The following P2RX5 variants were observed in gnomAD, a reference collection of about 807,000 sequenced individuals.
P2RX5 encodes the protein P2X purinoceptor 5.
P2RX5 carries 46 observed loss-of-function variants against 54.1 expected under a neutral mutation model. The ratio of observed to expected loss-of-function variants is 0.85; its 90% CI spans 0.67 to 1.09. P2RX5 has a LOEUF of 1.09. Among genes scored for constraint, P2RX5 ranks in the 50% least tolerant of loss-of-function variants. The pLI is 0.00. For synonymous variants in P2RX5, 226 were observed against 226.4 expected, an observed-to-expected ratio of 1.00 and a Z score of 0.02; for missense variants, 566 against 549.8, an observed-to-expected ratio of 1.03 and a Z score of -0.29.
In P2RX5 at chr17:3,695,947, T is replaced by A; in HGVS notation, c.59A>T (p.Lys20Met). The change falls in exon 1 of 12, where the codon AAG becomes ATG. Residue 20 changes from lysine (K) to methionine (M), a missense_variant. Lys to Met is a moderately conservative substitution (Grantham distance 95). Transcript: ENST00000225328. ...CTTCTTGTTCTTGGCGATGACATAC[T>A]TCTCGGTCTTGTAGTCGAACAGCGA... ...CLSLFDYKTE[K>M]YVIAKNKKVG... The A allele has an allele frequency of 4.3e-6, 7 of 1,613,954 alleles. No individual in the cohort carries two copies. The highest frequency in any genetic ancestry group is 5.9e-6 in the Non-Finnish European group (7 of 1,179,862).
intron 11 of P2RX5, among the ~76,000 whole-genome samples, chr17:3,676,836 C>T (rs1298048956): frequency 6.6e-6 from 1 of 152,172 alleles, no homozygotes; most frequent in Admixed American, 6.5e-5. Flanking sequence ...CCAAGGCTGG[C>T]GGATCACCTG....
chr17:3,700,740 C>T (rs1475009609), upstream of P2RX5, among the ~76,000 whole-genome samples: 1 of 152,150 alleles, frequency 6.6e-6, no homozygotes, highest in Non-Finnish European at 1.5e-5. Flanking sequence ...AATGGCTTGG[C>T]ACTATCTCCC....
intron 2 of P2RX5, 107 bp from the exon 3 acceptor site, chr17:3,691,134 G>A (rs2050605530): frequency 7.4e-6 from 6 of 812,752 alleles, no homozygotes; most frequent in South Asian, 7.2e-5. Flanking sequence ...GGGTTTTGGG[G>A]ATAATGGGGC....
At chr17:3,701,538 C>T in the P2RX5 span, among the ~76,000 whole-genome samples, 1 of 151,826 alleles carries the variant, frequency 6.6e-6, no homozygotes, top group Non-Finnish European at 1.5e-5. Flanking sequence ...ACTAAAAATA[C>T]AAAATTAGCC....
chr17:3,722,531 A>C, the P2RX5 span: 1 of 152,782 alleles, frequency 6.5e-6, no homozygotes, highest in Non-Finnish European at 1.5e-5. Flanking sequence ...TTTAAGAAGA[A>C]ACCACCTACG....
the P2RX5 span, chr17:3,716,639 A>T: frequency 3.4e-6 from 4 of 1,186,374 alleles, no homozygotes; most frequent in Non-Finnish European, 5.0e-6. Flanking sequence ...TCTGTGCCCA[A>T]AACTAGAGCC....
chr17:3,716,152 A>G, the P2RX5 span, among the ~76,000 whole-genome samples: 1 of 148,756 alleles, frequency 6.7e-6, no homozygotes, highest in Non-Finnish European at 1.5e-5. Flanking sequence ...GCCTGGGCGA[A>G]AGAGCGGAAC....
the P2RX5 span, chr17:3,720,512 T>G: frequency 0.046 from 29,336 of 636,352 alleles, 6,358 homozygotes; most frequent in African/African-American, 0.47. Context: ...CTGGGCTTAG[T>G]TAATGGCCCT....
the P2RX5 span, chr17:3,722,543 C>T: frequency 6.6e-6 from 1 of 151,726 alleles, no homozygotes; most frequent in Admixed American, 6.6e-5. Context: ...CCACCTACGT[C>T]AGGACCTAGA....
chr17:3,682,153 G>A (rs2050302342), intron 9 of P2RX5, 175 bp from the exon 10 acceptor site: 5 of 652,350 alleles, frequency 7.7e-6, no homozygotes, highest in South Asian at 6.5e-5. Context: ...CCACAGAGCT[G>A]GTCCATGGTG....
the P2RX5 span, among the ~76,000 whole-genome samples, chr17:3,710,718 G>C: frequency 3.3e-5 from 5 of 151,726 alleles, no homozygotes; most frequent in Non-Finnish European, 1.5e-5. Flanking sequence ...ACTTGAAGTC[G>C]GGAGTTCAAG....
In P2RX5 at chr17:3,688,397, G is replaced by C. The variant is rs111409871; in HGVS notation, c.887+229C>G. Among the ~76,000 whole-genome samples the C allele has an allele frequency of 6.3e-4, 96 of 152,302 alleles. 2 individuals carry two copies. The South Asian group carries it at 0.019, about 31-fold the overall frequency. On this transcript the variant is annotated intron_variant, in intron 8 of 11. Coordinates refer to ENST00000225328, the MANE Select transcript of P2RX5 (RefSeq NM_002561.4). ...GATGCGGCAGAGGCCGCAAGACTCG[G>C]CTTCACGGAGAGAAACAGGCAAGAA...
At chr17:3,699,937 A>G (rs1410647766), upstream of P2RX5, among the ~76,000 whole-genome samples, 615 of 112,016 alleles carry the variant, frequency 5.5e-3, 4 homozygotes, top group African/African-American at 0.014. Context: ...AAAGAAAGAA[A>G]GAAAGAAAGA....
intron 11 of P2RX5, among the ~76,000 whole-genome samples, chr17:3,678,437 T>A (rs964400833): frequency 6.6e-6 from 1 of 152,214 alleles, no homozygotes; most frequent in Non-Finnish European, 1.5e-5. Flanking sequence ...AGCCAGGCCG[T>A]CGGGCTTCCC....
the P2RX5 span, chr17:3,720,678 G>A: frequency 2.0e-5 from 5 of 247,132 alleles, no homozygotes; most frequent in Non-Finnish European, 4.0e-5. Flanking sequence ...ACCCCGTCAG[G>A]TTCAAGCGAT....
chr17:3,689,761 G>C, intron 6 of P2RX5, 131 bp from the exon 7 acceptor site: 1 of 1,254,120 alleles, frequency 8.0e-7, no homozygotes, highest in Non-Finnish European at 1.2e-6. Flanking sequence ...CTTTACAGCA[G>C]GGGAAGGGGC....
At chr17:3,699,853 AAAAG>A (rs752465811), upstream of P2RX5, among the ~76,000 whole-genome samples, 25 of 80,950 alleles carry the variant, frequency 3.1e-4, no homozygotes, top group East Asian at 1.1e-3. Context: ...AGAAAAAGAA[AAAAG>A]AAAGAAAGAA....
chr17:3,680,494 A>G (rs1475367131), intron 10 of P2RX5, among the ~76,000 whole-genome samples: 2 of 18,054 alleles, frequency 1.1e-4, no homozygotes, highest in Non-Finnish European at 8.8e-5. Flanking sequence ...TCCTCCACCC[A>G]GTGTCCTCCA....
chr17:3,694,989 C>T (rs968822479), intron 1 of P2RX5, among the ~76,000 whole-genome samples: 33 of 152,170 alleles, frequency 2.2e-4, no homozygotes, highest in Non-Finnish European at 1.8e-4. Context: ...AGGTGGGAGG[C>T]GGCCAGGGGC....
Sources: gnomAD v4.1 joint callset for allele counts (sites outside exome capture counted in the v4.1 genomes callset) on GRCh38, gnomAD v4.1.1 for gene constraint, MANE v1.5 for transcripts, NCBI Gene and HGNC (gene_info 2026-07-23, HGNC 2026-07-21) for gene names.